Variants in IGSF21 observed in about 807,000 individuals in gnomAD.
The protein encoded by IGSF21 is immunoglobulin superfamily member 21.
In IGSF21, 28 loss-of-function variants were observed where a neutral mutation model predicts 46.8. The observed-to-expected ratio is 0.60, with a 90% CI of 0.44 to 0.82. The LOEUF (loss-of-function observed/expected upper bound fraction) is 0.82, where lower values mean the gene tolerates loss of function less well. Ranked by LOEUF, IGSF21 falls within the 40% of genes least tolerant of loss-of-function variation. The pLI is 0.00. For synonymous variants in IGSF21, 284 were observed against 273.6 expected, an observed-to-expected ratio of 1.04 and a Z score of -0.38; for missense variants, 624 against 665.5, an observed-to-expected ratio of 0.94 and a Z score of 0.69.
chr1:18,111,858 C>T (rs2086148207), intron 1 of IGSF21: 1 of 152,218 alleles, frequency 6.6e-6, no homozygotes, highest in African/African-American at 2.4e-5. Flanking sequence ...ATCTTCCTTT[C>T]CTCTCTCTGG....
chr1:18,335,553 T>G lies in IGSF21; in HGVS notation c.424+543T>G, dbSNP rs2085757950. On this transcript the variant is annotated intron_variant, in intron 4 of 9. Coordinates refer to ENST00000251296, the MANE Select transcript of IGSF21 (RefSeq NM_032880.5). The surrounding 1 kb of genome is among the most constrained non-coding windows in gnomAD (Gnocchi z 4.8). Reference sequence around the variant, plus strand: ...GGGTAAGTCTATCCCCATCCCAGACTCAGTTTTCCCATGTGTAAAACAAGA... The same window carrying G: ...GGGTAAGTCTATCCCCATCCCAGACGCAGTTTTCCCATGTGTAAAACAAGA... Among the ~76,000 whole-genome samples the G allele has an allele frequency of 6.6e-6, 1 of 152,176 alleles. No homozygotes were observed. Among genetic ancestry groups the G allele is most frequent in the Non-Finnish European group, 1.5e-5 (1 of 68,022 alleles).
intron 2 of IGSF21, among the ~76,000 whole-genome samples, chr1:18,229,009 A>T (rs2084597710): frequency 6.6e-6 from 1 of 151,674 alleles, no homozygotes. Flanking sequence ...TCTTCTTTTT[A>T]TTTTTTTTCA....
chr1:18,254,303 T>A (rs915983648), intron 2 of IGSF21, among the ~76,000 whole-genome samples: 2 of 145,126 alleles, frequency 1.4e-5, no homozygotes, highest in Non-Finnish European at 3.0e-5. Context: ...CATTTCCCTC[T>A]TTTTGAGCCA....
intron 1 of IGSF21, chr1:18,112,044 A>G (rs2086149671): frequency 6.6e-6 from 1 of 152,194 alleles, no homozygotes. Flanking sequence ...GAGGTGGAGG[A>G]GCTTAGGGGA....
chr1:18,231,739 G>A (rs1046668262), intron 2 of IGSF21, among the ~76,000 whole-genome samples: 1 of 152,136 alleles, frequency 6.6e-6, no homozygotes, highest in Non-Finnish European at 1.5e-5. Context: ...ATCACTGCAG[G>A]AAGTTTCACT....
chr1:18,329,466 T>A (rs1162379137), intron 3 of IGSF21, among the ~76,000 whole-genome samples: 1 of 152,184 alleles, frequency 6.6e-6, no homozygotes, highest in African/African-American at 2.4e-5. Context: ...CTGTTTCCAC[T>A]AACCTCATTC....
chr1:18,299,978 A>G (rs1185750371), intron 3 of IGSF21, among the ~76,000 whole-genome samples: 1 of 152,156 alleles, frequency 6.6e-6, no homozygotes, highest in Non-Finnish European at 1.5e-5. Flanking sequence ...GTAATCTAGC[A>G]CCTTGGGAGG....
chr1:18,123,938 G>C (rs969228376), intron 1 of IGSF21, among the ~76,000 whole-genome samples: 2 of 152,204 alleles, frequency 1.3e-5, no homozygotes, highest in African/African-American at 2.4e-5. Context: ...CCTGGACTCT[G>C]CTGGCCCCAC....
chr1:18,313,887 T>C (rs2085514749), intron 3 of IGSF21, among the ~76,000 whole-genome samples: 1 of 152,210 alleles, frequency 6.6e-6, no homozygotes, highest in Admixed American at 6.5e-5. Context: ...CCTGAATCTT[T>C]CTGGAAAACT....
intron 3 of IGSF21, among the ~76,000 whole-genome samples, chr1:18,323,017 C>T (rs1052488596): frequency 6.6e-6 from 1 of 152,094 alleles, no homozygotes; most frequent in African/African-American, 2.4e-5. Flanking sequence ...AAAGAGCGGT[C>T]GGGACCAGCG....
In IGSF21 at chr1:18,248,788, C is replaced by T. The variant is rs76365467; in HGVS notation, c.183+20778C>T. Among the ~76,000 whole-genome samples the T allele has an allele frequency of 5.4e-3, 827 of 152,088 alleles. 7 individuals are homozygous for T. The highest frequency in any genetic ancestry group is 8.5e-3 in the Non-Finnish European group (579 of 67,992). On this transcript the variant is annotated intron_variant, in intron 2 of 9. Transcript: ENST00000251296. ...TGCTAGTTGCTGAGACTAAATATAG[C>T]GTTGAACGAGATAGGCAAGTTCTCT...
At chr1:18,213,653 A>G (rs1305772815) in intron 1 of IGSF21, among the ~76,000 whole-genome samples, 4 of 152,158 alleles carry the variant, frequency 2.6e-5, no homozygotes, top group Admixed American at 6.5e-5. Context: ...GCACACGGCC[A>G]TCTTCCTGGG....
At chr1:18,376,137 A>G in intron 6 of IGSF21, 173 bp from the exon 7 acceptor site, 1 of 649,806 alleles carries the variant, frequency 1.5e-6, no homozygotes, top group East Asian at 2.8e-5. Context: ...GGCTTAGGGA[A>G]TATGTCTGAA....
chr1:18,238,646 G>A (rs1028067558), intron 2 of IGSF21, among the ~76,000 whole-genome samples: 1 of 152,120 alleles, frequency 6.6e-6, no homozygotes, highest in South Asian at 2.1e-4. Flanking sequence ...AACAGCTGAA[G>A]TGGACACCCA....
chr1:18,341,896 C>T (rs1262349450), intron 4 of IGSF21, among the ~76,000 whole-genome samples: 3 of 152,170 alleles, frequency 2.0e-5, no homozygotes, highest in African/African-American at 7.2e-5. Context: ...AGAGTGGCAA[C>T]AAACCACACC....
chr1:18,237,150 C>T (rs1408230590), intron 2 of IGSF21, among the ~76,000 whole-genome samples: 1 of 152,128 alleles, frequency 6.6e-6, no homozygotes, highest in East Asian at 1.9e-4. Context: ...GTGGCAGCCT[C>T]GCTCTCCTCA....
At chr1:18,125,995 G>C (rs962930042) in intron 1 of IGSF21, among the ~76,000 whole-genome samples, 2 of 152,198 alleles carry the variant, frequency 1.3e-5, no homozygotes, top group Admixed American at 1.3e-4. Context: ...GGGGAGGCTT[G>C]CTATCAGGGA....
At chr1:18,132,603 G>A (rs1211174802) in intron 1 of IGSF21, among the ~76,000 whole-genome samples, 1 of 152,122 alleles carries the variant, frequency 6.6e-6, no homozygotes, top group Non-Finnish European at 1.5e-5. Context: ...TCTGGGTCCT[G>A]GCCACCTCTT....
rs114975826 is a variant in IGSF21, at chr1:18,364,601, G to A, written c.541-622G>A. On this transcript the variant is annotated intron_variant, in intron 5 of 9. Coordinates refer to ENST00000251296, the MANE Select transcript of IGSF21 (RefSeq NM_032880.5). ...AAGACAGCAAATTAAATTAAATGCC[G>A]CCTCACAAAACTTGAGTTCCCCGTT... 7.6e-3 allele frequency among the ~76,000 whole-genome samples: 1,162 copies of A among 152,120 alleles called. 16 individuals are homozygous for A. Among genetic ancestry groups the A allele is most frequent in the African/African-American group, 0.025 (1,047 of 41,476 alleles).
Sources: allele counts gnomAD v4.1 joint callset (sites outside exome capture counted in the v4.1 genomes callset), GRCh38; gene constraint gnomAD v4.1.1; non-coding constraint Gnocchi (gnomAD v3.1); transcripts MANE v1.5; gene names NCBI Gene and HGNC (gene_info 2026-07-23, HGNC 2026-07-21).